Variants in POGK observed in about 807,000 individuals in gnomAD.
POGK encodes the protein pogo transposable element derived with KRAB domain, also known as pogo transposable element with KRAB domain.
In POGK, 16 loss-of-function variants were observed where a neutral mutation model predicts 54.4. The ratio of observed to expected loss-of-function variants is 0.29; its 90% CI spans 0.20 to 0.45. The LOEUF (loss-of-function observed/expected upper bound fraction) is 0.45. Among genes scored for constraint, POGK ranks in the 20% least tolerant of loss-of-function variants. The pLI, the probability that POGK is intolerant of heterozygous loss-of-function variation, is 1.00. For missense variants in POGK, 515 were observed against 795.6 expected (o/e 0.65, Z 4.24); for synonymous variants, 271 against 302.2 (o/e 0.90, Z 1.07).
chr1:166,843,329 C>T (rs1357328817), intron 2 of POGK, among the ~76,000 whole-genome samples: 2 of 152,222 alleles, frequency 1.3e-5, no homozygotes, highest in African/African-American at 2.4e-5. Context: ...TGCAGTGCTA[C>T]GCCAGCGAGT....
At chr1:166,844,475 G>A (rs975292594) in intron 2 of POGK, among the ~76,000 whole-genome samples, 1 of 152,176 alleles carries the variant, frequency 6.6e-6, no homozygotes, top group African/African-American at 2.4e-5. Flanking sequence ...GAAGTCTGAG[G>A]AAAGCCTGAA....
At position 166,846,734 on chromosome 1, in the gene POGK, C is replaced by G; in HGVS notation, c.255C>G (p.Ser85=). The G allele has an allele frequency of 2.5e-6, 4 of 1,614,090 alleles. No homozygotes were observed. The South Asian group carries it at 4.4e-5, about 18-fold the overall frequency. Residue 85 remains serine (S), a synonymous_variant, in exon 3 of 6, where the codon TCC becomes TCG. Transcript: ENST00000367876. The part of the protein sequence containing the change: ...VMRMNYETVL[S]LEFPFPKPDM... The stretch of plus-strand genomic sequence containing the variant: ...GGATGAATTATGAAACTGTCCTGTC[C>G]CTGGGTAAAGCTGTGTTTTCCTTTG...
chr1:166,850,621 TGA>T, intron 5 of POGK, 198 bp downstream of exon 5: 1 of 544,888 alleles, frequency 1.8e-6, no homozygotes, highest in Non-Finnish European at 3.1e-6. Flanking sequence ...CAGCAGGAGG[TGA>T]GCGGCAGGTG....
rs1389762620 is a variant in POGK at position 166,854,279 on chromosome 1, G to A, written c.*1709G>A. On this transcript the variant is annotated 3_prime_UTR_variant, in exon 6 of 6. Coordinates refer to ENST00000367876, the MANE Select transcript of POGK (RefSeq NM_017542.5). The stretch of plus-strand genomic sequence containing the variant: ...GCACTGGAACTTTCCTAGAGTAACG[G>A]CTCTGCTGCCAGGGTTTCTCTGGGC... 6.6e-6 allele frequency: 1 copy of A among 152,592 alleles called. No homozygotes were observed. Among genetic ancestry groups the A allele is most frequent in the Non-Finnish European group, 1.5e-5 (1 of 68,032 alleles). 9.5% of individuals were successfully genotyped at this position (152,592 alleles called of 1,614,324 possible).
rs1356010048 is a variant in POGK at position 166,849,278 on chromosome 1, C to G, written c.699C>G (p.Asp233Glu). 1 of 1,614,240 alleles carries G rather than the reference C, an allele frequency of 6.2e-7. No individual in the cohort carries two copies. Among genetic ancestry groups the G allele is most frequent in the African/African-American group, 1.3e-5 (1 of 75,066 alleles). The change falls in exon 5 of 6, where the codon GAC (aspartate) becomes GAG (glutamate). Residue 233 changes from aspartate to glutamate, a missense_variant. By Grantham distance (45) the Asp-to-Glu change is conservative. Transcript: ENST00000367876. ...QFGVLEKNVR[D>E]WRKVKPQLQN... ...GAGTATTGGAAAAAAACGTTCGAGA[C>G]TGGCGCAAAGTGAAGCCACAGCTTC...
At chr1:166,844,648 T>C (rs1657760368) in intron 2 of POGK, among the ~76,000 whole-genome samples, 1 of 152,238 alleles carries the variant, frequency 6.6e-6, no homozygotes, top group South Asian at 2.1e-4. Context: ...CTAGATCGTA[T>C]ATTCAAAAGC....
At chr1:166,839,728 CCGCCGGGGAGGCGGGCGG>C (rs1657395621) in intron 1 of POGK, 124 bp downstream of exon 1, 2 of 146,266 alleles carry the variant, frequency 1.4e-5, no homozygotes, top group Non-Finnish European at 3.0e-5. Context: ...TGTTGCGGGC[CCGCCGGGGAGGCGGGCGG>C]CGCCGGCTCT....
At chr1:166,841,141 C>T (rs1484514725) in intron 2 of POGK, 53 bp downstream of exon 2, 1 of 1,598,494 alleles carries the variant, frequency 6.3e-7, no homozygotes, top group Non-Finnish European at 8.5e-7. Flanking sequence ...GCCTGAGAGC[C>T]CAGCTTGCTT....
Position 166,852,765 on chromosome 1 carries a change from C to T in POGK, c.*195C>T, listed in dbSNP as rs919357167. 1.3e-5 allele frequency: 2 copies of T among 152,294 alleles called. No homozygotes were observed. The highest frequency in any genetic ancestry group is 2.4e-5 in the African/African-American group (1 of 41,460). The allele number at this position is 152,294 out of a possible 1,614,324, so 9.4% of individuals were successfully genotyped here. On this transcript the variant is annotated 3_prime_UTR_variant, in exon 6 of 6. Coordinates refer to ENST00000367876, the MANE Select transcript of POGK (RefSeq NM_017542.5). The stretch of plus-strand genomic sequence containing the variant: ...GACACAGCCCAGCCCCTCCCCACAC[C>T]ATACAAGGTATCAGAAAAGTCTAGG...
At chr1:166,842,881 A>T (rs1021455647) in intron 2 of POGK, among the ~76,000 whole-genome samples, 1 of 152,124 alleles carries the variant, frequency 6.6e-6, no homozygotes, top group Non-Finnish European at 1.5e-5. Context: ...CAAAGAGGTA[A>T]CTGGCCCAAA....
intron 3 of POGK, 111 bp downstream of exon 3, chr1:166,846,849 C>T: frequency 7.2e-7 from 1 of 1,383,436 alleles, no homozygotes; most frequent in Non-Finnish European, 1.0e-6. Context: ...TTAGACTCTG[C>T]CTCCTCAATG....
intron 1 of POGK, chr1:166,839,947 C>G (rs1305821417): frequency 4.6e-5 from 7 of 151,934 alleles, no homozygotes; most frequent in African/African-American, 9.7e-5. Flanking sequence ...GGCGGCGGCC[C>G]TGGTTGCGGC....
intron 2 of POGK, among the ~76,000 whole-genome samples, chr1:166,842,017 A>AG (rs1657538175): frequency 1.3e-5 from 2 of 151,940 alleles, no homozygotes. Flanking sequence ...AAAAAAAAAA[A>AG]CAGTGCAACC....
In POGK at chr1:166,850,384, C is replaced by G. The variant is rs778739262; in HGVS notation, c.1805C>G (p.Thr602Ser). ...GGAGAACCACCAAAAGATTGTGACACCGAAAGCATGGCTGAGAGCAACTGA... is the reference window on the plus strand; with the variant it reads ...GGAGAACCACCAAAAGATTGTGACAGCGAAAGCATGGCTGAGAGCAACTGA... ...GGGEPPKDCD[T>S]ESMAESN Residue 602 changes from threonine to serine, a missense_variant, in exon 5 of 6, where the codon ACC becomes AGC. This residue lies in a region of POGK where 461 missense variants were observed against 743.5 expected (regional missense o/e 0.62). Coordinates refer to ENST00000367876, the MANE Select transcript of POGK (RefSeq NM_017542.5). The G allele has an allele frequency of 6.2e-7, 1 of 1,611,098 alleles. No homozygotes were observed. Among genetic ancestry groups the G allele is most frequent in the Admixed American group, 1.7e-5 (1 of 59,914 alleles).
Position 166,849,017 on chromosome 1 carries a change from C to G in POGK, c.438C>G (p.His146Gln), listed in dbSNP as rs1175747830. The G allele has an allele frequency of 1.2e-6, 2 of 1,614,204 alleles. No homozygotes were observed. Among genetic ancestry groups the G allele is most frequent in the Non-Finnish European group, 1.7e-6 (2 of 1,180,052 alleles). ...CCTCCCAGTTTCCTCAGCCTCAGCACTTTGACAGCTTTGGCCTCCGTCTGC... is the reference window on the plus strand; with the variant it reads ...CCTCCCAGTTTCCTCAGCCTCAGCAGTTTGACAGCTTTGGCCTCCGTCTGC... ...NATSQFPQPQ[H>Q]FDSFGLRLPR... The change falls in exon 5 of 6, where the codon CAC (histidine) becomes CAG (glutamine). Residue 146 changes from histidine (H) to glutamine (Q), a missense_variant. Coordinates refer to ENST00000367876, the MANE Select transcript of POGK (RefSeq NM_017542.5).
At chr1:166,843,433 G>A (rs1657619596) in intron 2 of POGK, among the ~76,000 whole-genome samples, 1 of 152,280 alleles carries the variant, frequency 6.6e-6, no homozygotes, top group Admixed American at 6.5e-5. Context: ...TAAGGCCTGA[G>A]TGGCCTGCTA....
At chr1:166,841,782 C>T (rs536638092) in intron 2 of POGK, among the ~76,000 whole-genome samples, 34 of 152,268 alleles carry the variant, frequency 2.2e-4, no homozygotes, top group African/African-American at 7.7e-4. Flanking sequence ...TAAACATTGT[C>T]AGTATACATA....
intron 1 of POGK, chr1:166,840,028 G>A (rs1314440630): frequency 6.6e-6 from 1 of 152,154 alleles, no homozygotes; most frequent in Non-Finnish European, 1.5e-5. Flanking sequence ...GCCAAGTTCG[G>A]GCCCCAGCTG....
At chr1:166,839,780 G>A (rs1657400585) in intron 1 of POGK, 176 bp downstream of exon 1, 1 of 149,070 alleles carries the variant, frequency 6.7e-6, no homozygotes, top group Non-Finnish European at 1.5e-5. Context: ...GTGCGCTGGG[G>A]CCGGGAGGGG....
Sources: allele counts gnomAD v4.1 joint callset (sites outside exome capture counted in the v4.1 genomes callset), GRCh38; gene constraint gnomAD v4.1.1; regional missense constraint gnomAD v4.1.1; transcripts MANE v1.5; gene names NCBI Gene and HGNC (gene_info 2026-07-23, HGNC 2026-07-21).